Variants in ABCA5 observed in about 807,000 individuals in gnomAD.
The protein encoded by ABCA5 is ATP binding cassette subfamily A member 5.
Under a neutral mutation model 206.0 loss-of-function variants are expected in ABCA5, and 163 were observed. The ratio of observed to expected loss-of-function variants is 0.79; its 90% CI spans 0.70 to 0.90. The LOEUF (loss-of-function observed/expected upper bound fraction) is 0.90, where lower values mean the gene tolerates loss of function less well. ABCA5 is among the 40% of genes least tolerant of loss of function. The pLI is 0.00. For synonymous variants in ABCA5, 609 were observed against 613.8 expected, an observed-to-expected ratio of 0.99 and a Z score of 0.11; for missense variants, 1,859 against 1,912.9, an observed-to-expected ratio of 0.97 and a Z score of 0.53.
At chr17:69,316,818 G>C (rs979398773) in intron 1 of ABCA5, 1 of 152,176 alleles carries the variant, frequency 6.6e-6, no homozygotes, top group African/African-American at 2.4e-5. Context: ...ATTTGAATGA[G>C]AGCAGACTTC....
intron 28 of ABCA5, among the ~76,000 whole-genome samples, chr17:69,256,978 C>T (rs1273527905): frequency 6.6e-6 from 1 of 152,006 alleles, no homozygotes; most frequent in African/African-American, 2.4e-5. Context: ...CCCACAGTAA[C>T]ACCATTTTTA....
chr17:69,254,556 C>G, intron 31 of ABCA5, 66 bp from the exon 32 acceptor site: 2 of 1,347,362 alleles, frequency 1.5e-6, no homozygotes, highest in Non-Finnish European at 2.1e-6. Context: ...GTGGCAAGTA[C>G]ATTAATTAAA....
intron 18 of ABCA5, among the ~76,000 whole-genome samples, chr17:69,280,906 T>C (rs1053278580): frequency 6.6e-6 from 1 of 152,052 alleles, no homozygotes; most frequent in Non-Finnish European, 1.5e-5. Context: ...CGGGGAGGGA[T>C]AGCATTGGGA....
In ABCA5 at chr17:69,271,220, C is replaced by G. The variant is rs1455158388; in HGVS notation, c.2834G>C (p.Ser945Thr). ...ATGGGGAGCCACGGATACATAGTCA[C>G]TGTCATTAATCATCGTCACCATTAT... is the stretch of plus-strand genomic sequence containing the variant. The part of the protein sequence containing the change: ...QNIMVTMIND[S>T]DYVSVAPHSA... The change falls in exon 21 of 39, where the codon AGT becomes ACT. Residue 945 changes from serine to threonine, a missense_variant. Coordinates refer to ENST00000392676, the MANE Select transcript of ABCA5 (RefSeq NM_172232.4). 3 of 1,613,498 alleles carry G rather than the reference C, an allele frequency of 1.9e-6. No homozygotes were observed. Among genetic ancestry groups the G allele is most frequent in the Non-Finnish European group, 2.5e-6 (3 of 1,179,624 alleles).
chr17:69,324,710 C>T (rs911314412), intron 1 of ABCA5, among the ~76,000 whole-genome samples: 43 of 152,102 alleles, frequency 2.8e-4, no homozygotes, highest in African/African-American at 7.7e-4. Flanking sequence ...TTCCAAAATC[C>T]ACCACAAAGT....
intron 3 of ABCA5, among the ~76,000 whole-genome samples, chr17:69,309,833 A>G (rs1009667756): frequency 2.0e-5 from 3 of 152,088 alleles, no homozygotes; most frequent in African/African-American, 7.2e-5. Context: ...GAGTGAGACC[A>G]TGTCTCAAAA....
At chr17:69,278,009 T>C (rs2075352812) in intron 18 of ABCA5, among the ~76,000 whole-genome samples, 167 bp from the exon 19 acceptor site, 1 of 152,166 alleles carries the variant, frequency 6.6e-6, no homozygotes, top group African/African-American at 2.4e-5. Context: ...GTATATCTTA[T>C]GACCCAAGAG....
chr17:69,301,128 C>T lies in ABCA5; in HGVS notation c.1267+11G>A. 1 of 1,483,954 alleles carries T rather than the reference C, an allele frequency of 6.7e-7. No individual in the cohort carries two copies. The highest frequency in any genetic ancestry group is 1.5e-5 in the African/African-American group (1 of 68,804). 91.9% of individuals were successfully genotyped at this position (1,483,954 alleles called of 1,614,324 possible). The stretch of plus-strand genomic sequence containing the variant: ...AATCTTTAAAGTAAAATTCAAAAAC[C>T]ATCTGCATACCTGGAATGACTTGAT... On this transcript the variant is annotated intron_variant, in intron 9 of 38. Coordinates refer to ENST00000392676, the MANE Select transcript of ABCA5 (RefSeq NM_172232.4).
At chr17:69,272,478 A>G (rs1294084870) in intron 20 of ABCA5, among the ~76,000 whole-genome samples, 1 of 152,172 alleles carries the variant, frequency 6.6e-6, no homozygotes, top group Non-Finnish European at 1.5e-5. Flanking sequence ...ATTAACTCAA[A>G]GCAAAAAGAT....
At chr17:69,286,800 A>T (rs1376210046) in intron 15 of ABCA5, among the ~76,000 whole-genome samples, 1 of 152,252 alleles carries the variant, frequency 6.6e-6, no homozygotes, top group Non-Finnish European at 1.5e-5. Context: ...ATAAGCAGAC[A>T]GAAGTTGCTC....
rs1254576383 is a variant in ABCA5 at position 69,270,684 on chromosome 17, T to C, written c.2959A>G (p.Ile987Val). 6.2e-7 allele frequency: 1 copy of C among 1,602,400 alleles called. No homozygotes were observed. Among genetic ancestry groups the C allele is most frequent in the Non-Finnish European group, 8.5e-7 (1 of 1,174,916 alleles). ...AAATGATAAAGATAGTAGTTACTAATGATATTCACTAATATAGGTAAAGAA... is the reference window on the plus strand; with the variant it reads ...AAATGATAAAGATAGTAGTTACTAACGATATTCACTAATATAGGTAAAGAA... Reference protein sequence around the residue: ...VYSLPILVNIISNYYLYHLNV... With the variant: ...VYSLPILVNIVSNYYLYHLNV... Residue 987 changes from isoleucine (I) to valine (V), a missense_variant, in exon 22 of 39, where the codon ATT becomes GTT. Coordinates refer to ENST00000392676, the MANE Select transcript of ABCA5 (RefSeq NM_172232.4).
At chr17:69,250,650 G>C in intron 35 of ABCA5, 29 bp from the exon 36 acceptor site, 4 of 1,486,118 alleles carry the variant, frequency 2.7e-6, no homozygotes, top group Non-Finnish European at 2.7e-6. Flanking sequence ...AGAAAGCTCA[G>C]ATATAAAATG....
intron 9 of ABCA5, among the ~76,000 whole-genome samples, chr17:69,299,469 C>CAT (rs1202550980): frequency 7.1e-6 from 1 of 139,964 alleles, no homozygotes; most frequent in Non-Finnish European, 1.5e-5. Context: ...CACACACACA[C>CAT]ATACACACAC....
In ABCA5 at chr17:69,275,249, G is replaced by A. The variant is rs190470299; in HGVS notation, c.2595-1121C>T. ...ATATCTTTGAAATCTCATCCTAATC[G>A]CAATTTTATCATATTAATTGCCACT... On this transcript the variant is annotated intron_variant, in intron 19 of 38. Transcript: ENST00000392676. Among the ~76,000 whole-genome samples the A allele has an allele frequency of 1.8e-3, 270 of 152,100 alleles. 1 individual carries two copies. The highest frequency in any genetic ancestry group is 6.8e-3 in the Middle Eastern group (2 of 294).
intron 9 of ABCA5, among the ~76,000 whole-genome samples, chr17:69,298,314 G>GGA (rs201443086): frequency 0.13 from 17,385 of 131,442 alleles, 2,439 homozygotes; most frequent in East Asian, 0.3. Context: ...GAAAGAGAGA[G>GGA]AGAGGAAGGA....
At chr17:69,316,592 TA>T (rs34101085) in intron 1 of ABCA5, among the ~76,000 whole-genome samples, 61,729 of 132,642 alleles carry the variant, frequency 0.47, 14,043 homozygotes, top group Middle Eastern at 0.61. Context: ...GTATTAATGC[TA>T]AAAAAAAAAA....
chr17:69,320,934 C>CATTGTCTCTCGACA (rs1270619970), intron 1 of ABCA5, among the ~76,000 whole-genome samples: 4 of 152,150 alleles, frequency 2.6e-5, no homozygotes, highest in African/African-American at 9.7e-5. Context: ...GTCGAGACCA[C>CATTGTCTCTCGACA]ATTGTCTCTC....
rs1238784545 is a variant in ABCA5, at chr17:69,274,024, T to C, written c.2699A>G (p.Tyr900Cys). ...VVPIKLVPDL[Y>C]FLKPGDKPHK... ...TGGTTTGTCTCCAGGTTTTAGAAAA[T>C]ATAAGTCTGGAACAAGTTTGATGGG... Residue 900 changes from tyrosine to cysteine, a missense_variant, in exon 20 of 39, where the codon TAT (tyrosine) becomes TGT (cysteine). Transcript: ENST00000392676. 1.2e-6 allele frequency: 2 copies of C among 1,610,584 alleles called. No individual in the cohort carries two copies. Among genetic ancestry groups the C allele is most frequent in the East Asian group, 2.2e-5 (1 of 44,796 alleles).
chr17:69,289,974 AT>A lies in ABCA5; in HGVS notation c.1669del (p.Met557Ter), dbSNP rs759860181. ...ATCTAACTGTGGACAAATGCCAATC[AT>A]TTTTCTTGCTTCAAACATTTCATCT... ...EIDEMFEARK[M>X]IGICPQLDIH... is the part of the protein sequence containing the mutation. On this transcript the variant is annotated frameshift_variant, in exon 13 of 39. Transcript: ENST00000392676. LOFTEE classifies it high-confidence loss of function. 1 of 1,612,414 alleles carries A rather than the reference AT, an allele frequency of 6.2e-7. No individual in the cohort carries two copies. Among genetic ancestry groups the A allele is most frequent in the Non-Finnish European group, 8.5e-7 (1 of 1,179,336 alleles).
Sources: allele counts gnomAD v4.1 joint callset (sites outside exome capture counted in the v4.1 genomes callset), GRCh38; gene constraint gnomAD v4.1.1; transcripts MANE v1.5; gene names NCBI Gene and HGNC (gene_info 2026-07-23, HGNC 2026-07-21).